Variants in SH3RF3 observed in about 807,000 individuals in gnomAD.
SH3RF3 encodes E3 ubiquitin-protein ligase SH3RF3.
Under a neutral mutation model 66.3 loss-of-function variants are expected in SH3RF3, and 29 were observed. That is an observed-to-expected ratio of 0.44 (90% CI 0.33 to 0.60). The LOEUF is 0.60. SH3RF3 is among the 20% of genes least tolerant of loss of function. The pLI is 0.04. For synonymous variants in SH3RF3, 583 were observed against 532.0 expected, an observed-to-expected ratio of 1.10 and a Z score of -1.32; for missense variants, 1,194 against 1,190.9, an observed-to-expected ratio of 1.00 and a Z score of -0.04.
intron 1 of SH3RF3, among the ~76,000 whole-genome samples, chr2:109,142,500 C>T (rs1003172202): frequency 2.0e-5 from 3 of 152,178 alleles, no homozygotes; most frequent in East Asian, 1.9e-4. Context: ...GCACAGCGGC[C>T]GAGAGTGAGG....
intron 1 of SH3RF3, among the ~76,000 whole-genome samples, chr2:109,182,631 G>T (rs2104989494): frequency 6.6e-6 from 1 of 152,326 alleles, no homozygotes; most frequent in Non-Finnish European, 1.5e-5. Context: ...GTGACTAAAG[G>T]AATGAATGAG....
At chr2:109,386,436 CTG>C (rs1311785028) in intron 3 of SH3RF3, among the ~76,000 whole-genome samples, 32 of 152,022 alleles carry the variant, frequency 2.1e-4, no homozygotes, top group Non-Finnish European at 1.0e-4. Flanking sequence ...AAAAAAAACA[CTG>C]TGGCTGCTTG....
chr2:109,282,337 A>C (rs2105345369), intron 1 of SH3RF3, among the ~76,000 whole-genome samples: 1 of 152,168 alleles, frequency 6.6e-6, no homozygotes, highest in South Asian at 2.1e-4. Flanking sequence ...CATTTTCTTA[A>C]CCAAAAAAAT....
chr2:109,349,971 T>A (rs948926842), intron 2 of SH3RF3, among the ~76,000 whole-genome samples: 3 of 152,220 alleles, frequency 2.0e-5, no homozygotes, highest in African/African-American at 4.8e-5. Context: ...GCTGCTCTTC[T>A]GGAGCCCAGA....
At chr2:109,273,348 T>A (rs1680671487) in intron 1 of SH3RF3, among the ~76,000 whole-genome samples, 1 of 152,198 alleles carries the variant, frequency 6.6e-6, no homozygotes, top group Non-Finnish European at 1.5e-5. Context: ...CTTCCCTTGG[T>A]CATCCCAAGC....
intron 1 of SH3RF3, among the ~76,000 whole-genome samples, chr2:109,269,648 G>T (rs149722726): frequency 6.6e-6 from 1 of 152,200 alleles, no homozygotes; most frequent in African/African-American, 2.4e-5. Context: ...GGACATGGTG[G>T]CGTGTGCCTA....
intron 5 of SH3RF3, among the ~76,000 whole-genome samples, chr2:109,423,076 G>A (rs556842534): frequency 5.3e-5 from 8 of 152,316 alleles, no homozygotes; most frequent in Middle Eastern, 3.4e-3. Flanking sequence ...CACAGTCGAT[G>A]GGTGCAGTTC....
At chr2:109,500,080 G>T (rs911953447) in intron 9 of SH3RF3, among the ~76,000 whole-genome samples, 2 of 152,146 alleles carry the variant, frequency 1.3e-5, no homozygotes, top group Non-Finnish European at 2.9e-5. Context: ...GTGTGTGGCT[G>T]TCCTCAGGTG....
chr2:109,269,025 G>GAA (rs1326843692), intron 1 of SH3RF3, among the ~76,000 whole-genome samples: 2 of 152,224 alleles, frequency 1.3e-5, no homozygotes, highest in African/African-American at 4.8e-5. Context: ...TGAGGCTTGA[G>GAA]GACAGCTCCT....
chr2:109,424,505 G>A (rs1676979613), intron 5 of SH3RF3, among the ~76,000 whole-genome samples: 1 of 152,168 alleles, frequency 6.6e-6, no homozygotes, highest in South Asian at 2.1e-4. Context: ...AAGCTTCGGG[G>A]CAACCCAGCA....
At chr2:109,489,496 A>G (rs915714700) in intron 8 of SH3RF3, among the ~76,000 whole-genome samples, 10 of 152,138 alleles carry the variant, frequency 6.6e-5, no homozygotes, top group African/African-American at 2.4e-4. Flanking sequence ...CACTTAGAAG[A>G]GCTGGGGGAG....
chr2:109,416,415 C>T (rs1426986925), intron 4 of SH3RF3, among the ~76,000 whole-genome samples: 1 of 152,000 alleles, frequency 6.6e-6, no homozygotes, highest in Non-Finnish European at 1.5e-5. Context: ...GCCAACATGG[C>T]GAAACCCCCC....
intron 3 of SH3RF3, among the ~76,000 whole-genome samples, chr2:109,377,218 C>A (rs1351617698): frequency 2.0e-5 from 3 of 152,162 alleles, no homozygotes; most frequent in African/African-American, 7.2e-5. Context: ...CTCCACTTGG[C>A]TAATAAGAAG....
At chr2:109,191,343 T>A (rs899854989) in intron 1 of SH3RF3, among the ~76,000 whole-genome samples, 5 of 152,214 alleles carry the variant, frequency 3.3e-5, no homozygotes, top group Non-Finnish European at 7.3e-5. Flanking sequence ...GTGAGGACCC[T>A]GGAGGGGCCT....
At chr2:109,203,005 G>A (rs1558956135) in intron 1 of SH3RF3, among the ~76,000 whole-genome samples, 1 of 152,196 alleles carries the variant, frequency 6.6e-6, no homozygotes, top group Non-Finnish European at 1.5e-5. Context: ...TAACACTTGG[G>A]CCTGAGGATA....
chr2:109,185,007 A>G (rs1678154100), intron 1 of SH3RF3, among the ~76,000 whole-genome samples: 1 of 152,210 alleles, frequency 6.6e-6, no homozygotes, highest in Admixed American at 6.5e-5. Flanking sequence ...TTGTAGCACC[A>G]CCTACCTGAT....
At chr2:109,158,787 A>T (rs1176784493) in intron 1 of SH3RF3, among the ~76,000 whole-genome samples, 1 of 152,214 alleles carries the variant, frequency 6.6e-6, no homozygotes, top group Non-Finnish European at 1.5e-5. Context: ...GCAATGGCTG[A>T]TTCCCGAGTG....
rs58885368 is a variant in SH3RF3, at chr2:109,195,208, ATAGGACTAGGAC to A, written c.573+65109_573+65120del. 4.6e-5 allele frequency among the ~76,000 whole-genome samples: 7 copies of A among 151,384 alleles called. No homozygotes were observed. The South Asian group carries it at 1.5e-3, about 32-fold the overall frequency. ...CATTGGAGATGGGGCTAGGAGAGTGATAGGACTAGGACTAGGACTAGGACTGCCTACACTAGG... is the reference window on the plus strand; with the variant it reads ...CATTGGAGATGGGGCTAGGAGAGTGATAGGACTAGGACTGCCTACACTAGG... On this transcript the variant is annotated intron_variant, in intron 1 of 9. Transcript: ENST00000309415.
At chr2:109,367,143 T>TA (rs1683166282) in intron 2 of SH3RF3, among the ~76,000 whole-genome samples, 2 of 139,542 alleles carry the variant, frequency 1.4e-5, no homozygotes, top group Admixed American at 7.3e-5. Flanking sequence ...TTTTTTTTTT[T>TA]AGTAGAGACA....
Sources: gnomAD v4.1 joint callset for allele counts (sites outside exome capture counted in the v4.1 genomes callset) on GRCh38, gnomAD v4.1.1 for gene constraint, MANE v1.5 for transcripts, NCBI Gene and HGNC (gene_info 2026-07-23, HGNC 2026-07-21) for gene names.